Variants in RPUSD4 observed in about 807,000 individuals in gnomAD.
RPUSD4 encodes the protein pseudouridylate synthase RPUSD4, mitochondrial.
RPUSD4 carries 37 observed loss-of-function variants against 35.4 expected under a neutral mutation model. The ratio of observed to expected loss-of-function variants is 1.04; its 90% confidence interval spans 0.80 to 1.37. The LOEUF (loss-of-function observed/expected upper bound fraction) is 1.37. Among genes scored for constraint, RPUSD4 ranks in the 40% most tolerant of loss-of-function variants. The pLI, the probability that RPUSD4 is intolerant of heterozygous loss-of-function variation, is 0.00. For synonymous variants in RPUSD4, 210 were observed against 192.7 expected, an observed-to-expected ratio of 1.09 and a Z score of -0.74; for missense variants, 507 against 484.9, an observed-to-expected ratio of 1.05 and a Z score of -0.43.
intron 2 of RPUSD4, among the ~76,000 whole-genome samples, chr11:126,210,552 C>G (rs897210999): frequency 7.1e-6 from 1 of 141,652 alleles, no homozygotes. Flanking sequence ...CACACACACC[C>G]CCTTTTTTCT....
chr11:126,211,097 A>G (rs769425648), intron 1 of RPUSD4, 42 bp from the exon 2 acceptor site: 5 of 1,604,060 alleles, frequency 3.1e-6, no homozygotes, highest in Admixed American at 3.4e-5. Context: ...CTGGTGCGGA[A>G]GCCGTGGAGA....
At position 126,211,446 on chromosome 11, in the gene RPUSD4, T is replaced by C; in HGVS notation, c.189+4A>G. The C allele has an allele frequency of 6.2e-7, 1 of 1,610,354 alleles. No homozygotes were observed. The highest frequency in any genetic ancestry group is 2.2e-5 in the East Asian group (1 of 44,824). ...CTAGGGAGTTCTGGTCCCTTTGGAC[T>C]CACCGGCTCCTTCTTTGTGTCTTGT... On this transcript the variant is annotated splice_donor_region_variant and intron_variant, in intron 1 of 6. Coordinates refer to ENST00000298317, the MANE Select transcript of RPUSD4 (RefSeq NM_032795.3).
rs756846461 is a variant in RPUSD4, at chr11:126,211,573, A to C, written c.66T>G (p.Ser22Arg). The change falls in exon 1 of 7, where the codon AGT becomes AGG. Residue 22 changes from serine to arginine, a missense_variant. By Grantham distance (110) the Ser-to-Arg change is moderately radical. Coordinates refer to ENST00000298317, the MANE Select transcript of RPUSD4 (RefSeq NM_032795.3). ...ATGGCTTTGAGACGAGAGTGAAGAG[A>C]CTCCCGCAACCTTGGCCGTTTCCCC... ...WIRGNGQGCG[S>R]LFTLVSKPFC... 3.1e-6 allele frequency: 5 copies of C among 1,613,626 alleles called. No individual in the cohort carries two copies. In the African/African-American group the frequency reaches 5.4e-5, roughly 17 times the overall value.
In RPUSD4 at chr11:126,211,462, T is replaced by G. The variant is rs200354542; in HGVS notation, c.177A>C (p.Thr59=). ...CCTTTGGACTCACCGGCTCCTTCTT[T>G]GTGTCTTGTTCCCGTTTCTGGGCTC... The part of the protein sequence containing the change: ...KLRAQKREQD[T]KKEPVSTNAV... The change falls in exon 1 of 7, where the codon ACA becomes ACC. Residue 59 remains threonine (T), a synonymous_variant. Coordinates refer to ENST00000298317, the MANE Select transcript of RPUSD4 (RefSeq NM_032795.3). 6.8e-6 allele frequency: 11 copies of G among 1,613,018 alleles called. No homozygotes were observed. The East Asian group carries it at 2.0e-4, about 29-fold the overall frequency.
chr11:126,210,798 C>CAAATTCAA, intron 2 of RPUSD4, 92 bp downstream of exon 2: 1 of 1,295,918 alleles, frequency 7.7e-7, no homozygotes, highest in Non-Finnish European at 1.1e-6. Flanking sequence ...GAATGCAAGG[C>CAAATTCAA]TTTAGAGTGC....
intron 5 of RPUSD4, among the ~76,000 whole-genome samples, chr11:126,204,756 T>C (rs1006589614): frequency 1.3e-5 from 2 of 152,228 alleles, no homozygotes; most frequent in African/African-American, 2.4e-5. Context: ...CACACTGTTT[T>C]TGCAACCACC....
chr11:126,205,832 C>T, intron 3 of RPUSD4, 51 bp from the exon 4 acceptor site: 1 of 1,442,608 alleles, frequency 6.9e-7, no homozygotes, highest in Non-Finnish European at 9.3e-7. Context: ...GAGAAGAACT[C>T]CTAGATTTGG....
rs757990629 is a variant in RPUSD4 at position 126,205,742 on chromosome 11, G to A, written c.597C>T (p.Val199=). The change falls in exon 4 of 7, where the codon GTC becomes GTT. Residue 199 remains valine, a synonymous_variant. Transcript: ENST00000298317. ...TVHVPMPSAG[V]VDIPIVEKEA... is the part of the protein sequence containing the mutation. ...CCTTCTCCACAATGGGGATGTCCAC[G>A]ACTCCTGCTGAGGGCATGGGGACAT... 6.6e-5 allele frequency: 106 copies of A among 1,612,624 alleles called. No homozygotes were observed. The highest frequency in any genetic ancestry group is 8.2e-5 in the Non-Finnish European group (97 of 1,179,168).
At position 126,206,791 on chromosome 11, in the gene RPUSD4, C is replaced by T. The variant is rs111507736; in HGVS notation, c.558-1010G>A. On this transcript the variant is annotated intron_variant, in intron 3 of 6. Transcript: ENST00000298317. Reference sequence around the variant, plus strand: ...ACGGGGTCAAAATCCTACTCACACACACTATTTCACAACGCAGACACTCCA... The same window carrying T: ...ACGGGGTCAAAATCCTACTCACACATACTATTTCACAACGCAGACACTCCA... 7.4e-3 allele frequency among the ~76,000 whole-genome samples: 1,121 copies of T among 152,264 alleles called. 10 individuals carry two copies. Among genetic ancestry groups the T allele is most frequent in the African/African-American group, 0.026 (1,068 of 41,540 alleles).
chr11:126,209,839 T>C (rs1183933766), intron 2 of RPUSD4, 117 bp from the exon 3 acceptor site: 3 of 822,810 alleles, frequency 3.6e-6, no homozygotes, highest in Non-Finnish European at 5.8e-6. Context: ...GCCTTACTAC[T>C]GAAGTGTGGT....
At position 126,211,572 on chromosome 11, in the gene RPUSD4, G is replaced by A. The variant is rs1333540622; in HGVS notation, c.67C>T (p.Leu23Phe). ...AATGGCTTTGAGACGAGAGTGAAGA[G>A]ACTCCCGCAACCTTGGCCGTTTCCC... ...IRGNGQGCGSLFTLVSKPFCA... is the reference protein window; with the variant it reads ...IRGNGQGCGSFFTLVSKPFCA... Residue 23 changes from leucine (L) to phenylalanine (F), a missense_variant, in exon 1 of 7, where the codon CTC becomes TTC. Transcript: ENST00000298317. 1 of 1,614,092 alleles carries A rather than the reference G, an allele frequency of 6.2e-7. No individual in the cohort carries two copies. The highest frequency in any genetic ancestry group is 1.3e-5 in the African/African-American group (1 of 74,946).
intron 2 of RPUSD4, 67 bp from the exon 3 acceptor site, chr11:126,209,789 A>G (rs893048145): frequency 3.0e-6 from 4 of 1,349,678 alleles, no homozygotes; most frequent in Non-Finnish European, 4.1e-6. Flanking sequence ...TCTCCTTGGG[A>G]GAAAAGCCCT....
At chr11:126,207,972 A>G (rs987309790) in intron 3 of RPUSD4, among the ~76,000 whole-genome samples, 1 of 152,232 alleles carries the variant, frequency 6.6e-6, no homozygotes, top group African/African-American at 2.4e-5. Flanking sequence ...ACATGTAAAA[A>G]ACATGTAAAT....
At chr11:126,205,400 C>T (rs530123248) in intron 5 of RPUSD4, 68 bp downstream of exon 5, 77 of 1,592,722 alleles carry the variant, frequency 4.8e-5, no homozygotes, top group South Asian at 6.7e-5. Context: ...CTGCTCAGAA[C>T]GAGGCCCTGG....
intron 2 of RPUSD4, among the ~76,000 whole-genome samples, 155 bp downstream of exon 2, chr11:126,210,735 G>A (rs1371304889): frequency 6.6e-6 from 1 of 151,938 alleles, no homozygotes; most frequent in Non-Finnish European, 1.5e-5. Flanking sequence ...TTATTTCTGT[G>A]TTCTCGGTGG....
At chr11:126,209,421 A>G in intron 3 of RPUSD4, 100 bp downstream of exon 3, 4 of 962,788 alleles carry the variant, frequency 4.2e-6, no homozygotes, top group Non-Finnish European at 4.8e-6. Flanking sequence ...GTCATAGTGC[A>G]GTGCCTTCTA....
chr11:126,208,405 T>G (rs952497542), intron 3 of RPUSD4, among the ~76,000 whole-genome samples: 3 of 152,230 alleles, frequency 2.0e-5, no homozygotes, highest in African/African-American at 7.2e-5. Flanking sequence ...TGAAATACAC[T>G]AGCATACAGT....
chr11:126,208,669 G>A (rs890516936), intron 3 of RPUSD4: 19 of 152,206 alleles, frequency 1.2e-4, no homozygotes, highest in African/African-American at 4.3e-4. Context: ...ATATATATGT[G>A]TACATACATA....
rs754071858 is a variant in RPUSD4, at chr11:126,210,929, G to C, written c.316C>G (p.Leu106Val). 2.5e-6 allele frequency: 4 copies of C among 1,614,146 alleles called. No homozygotes were observed. In the East Asian group the frequency reaches 8.9e-5, roughly 36 times the overall value. ...CCGTAGGGCTTATTGATGACCACAA[G>C]GTTCTTGTCCTGGTGGAGAATTCCT... ...TRGILHQDKN[L>V]VVINKPYGLP... Residue 106 changes from leucine to valine, a missense_variant, in exon 2 of 7, where the codon CTT (leucine) becomes GTT (valine). Transcript: ENST00000298317.
Sources: gnomAD v4.1 joint callset for allele counts (sites outside exome capture counted in the v4.1 genomes callset) on GRCh38, gnomAD v4.1.1 for gene constraint, MANE v1.5 for transcripts, NCBI Gene and HGNC (gene_info 2026-07-23, HGNC 2026-07-21) for gene names.